VPS13B: variants seen among roughly 807,000 people sequenced by gnomAD.
VPS13B encodes intermembrane lipid transfer protein VPS13B.
A neutral mutation model predicts 426.4 loss-of-function variants in VPS13B; 285 were observed. That is an observed-to-expected ratio of 0.67 (90% confidence interval 0.61 to 0.74). The LOEUF (loss-of-function observed/expected upper bound fraction) is 0.74, where lower values mean the gene tolerates loss of function less well. VPS13B is among the 30% of genes least tolerant of loss of function. The pLI is 0.00. For missense variants in VPS13B, 4,537 were observed against 4,782.6 expected, an observed-to-expected ratio of 0.95 and a Z score of 1.51; for synonymous variants, 1,676 against 1,676.4, an observed-to-expected ratio of 1.00 and a Z score of 0.01.
intron 29 of VPS13B, among the ~76,000 whole-genome samples, chr8:99,514,951 G>C (rs1040281355): frequency 2.6e-5 from 4 of 152,226 alleles, no homozygotes; most frequent in African/African-American, 9.6e-5. Context: ...CAGTCAACAA[G>C]AAGAGCAAAG....
At chr8:99,156,493 G>A in intron 14 of VPS13B, 56 bp from the exon 15 acceptor site, 1 of 1,574,294 alleles carries the variant, frequency 6.4e-7, no homozygotes, top group Non-Finnish European at 8.7e-7. Flanking sequence ...AGAGGGAACT[G>A]CAACTCAGTC....
intron 61 of VPS13B, among the ~76,000 whole-genome samples, chr8:99,873,029 G>C (rs957091516): frequency 7.2e-5 from 11 of 152,198 alleles, no homozygotes; most frequent in Non-Finnish European, 1.0e-4. Context: ...TATTAGATCT[G>C]CCAGAATCTT....
intron 55 of VPS13B, among the ~76,000 whole-genome samples, chr8:99,852,890 T>G (rs912998641): frequency 6.6e-5 from 10 of 151,878 alleles, no homozygotes; most frequent in African/African-American, 2.4e-4. Context: ...GAAAGGGGTG[T>G]GAGTTGCTGG....
chr8:99,162,468 G>A (rs1340763661), intron 15 of VPS13B, among the ~76,000 whole-genome samples: 2 of 152,152 alleles, frequency 1.3e-5, no homozygotes, highest in African/African-American at 2.4e-5. Flanking sequence ...ATGAAGCCGC[G>A]GACCCTCGCG....
In VPS13B at chr8:99,358,002, TCACACACACA is replaced by T. The variant is rs34418547; in HGVS notation, c.2825-26182_2825-26173del. ...GATGGTTTATTTTGAGGATTAAATATCACACACACACACACACACACACACACACACACCA... is the reference window on the plus strand; with the variant it reads ...GATGGTTTATTTTGAGGATTAAATATCACACACACACACACACACACACCA... On this transcript the variant is annotated intron_variant, in intron 19 of 61. Coordinates refer to ENST00000357162, the MANE Select transcript of VPS13B (RefSeq NM_152564.5). Among the ~76,000 whole-genome samples the T allele has an allele frequency of 1.2e-4, 17 of 144,418 alleles. No individual in the cohort carries two copies. In the East Asian group the frequency reaches 1.4e-3, roughly 12 times the overall value. 94.7% of individuals were successfully genotyped at this position (144,418 alleles called of 152,430 possible).
At chr8:99,640,656 A>T (rs1829321815) in intron 33 of VPS13B, among the ~76,000 whole-genome samples, 1 of 152,218 alleles carries the variant, frequency 6.6e-6, no homozygotes, top group African/African-American at 2.4e-5. Flanking sequence ...ATATCCAGTT[A>T]TATGGGAATG....
At chr8:99,642,706 C>A (rs1317112044) in intron 34 of VPS13B, among the ~76,000 whole-genome samples, 1 of 152,190 alleles carries the variant, frequency 6.6e-6, no homozygotes, top group South Asian at 2.1e-4. Context: ...TACTATGCCT[C>A]TGAATATTCA....
chr8:99,700,736 G>A (rs1588636618), intron 36 of VPS13B, among the ~76,000 whole-genome samples: 1 of 152,206 alleles, frequency 6.6e-6, no homozygotes, highest in South Asian at 2.1e-4. Flanking sequence ...CATGGGAAGT[G>A]TGGGCAGAAG....
At chr8:99,574,228 C>A (rs995581816) in intron 31 of VPS13B, among the ~76,000 whole-genome samples, 1 of 152,166 alleles carries the variant, frequency 6.6e-6, no homozygotes, top group Non-Finnish European at 1.5e-5. Flanking sequence ...TCTAAATATA[C>A]AATCATGTCG....
chr8:99,350,792 T>C (rs535241864), intron 19 of VPS13B, among the ~76,000 whole-genome samples: 1 of 151,690 alleles, frequency 6.6e-6, no homozygotes, highest in Admixed American at 6.6e-5. Flanking sequence ...TATGTAATTA[T>C]AATATGTATA....
chr8:99,587,154 A>T (rs1356996863), intron 33 of VPS13B, among the ~76,000 whole-genome samples: 1 of 152,162 alleles, frequency 6.6e-6, no homozygotes, highest in Non-Finnish European at 1.5e-5. Context: ...ACATGAACTC[A>T]TCCTTTTTCA....
intron 34 of VPS13B, among the ~76,000 whole-genome samples, chr8:99,643,549 G>A (rs1460127460): frequency 6.6e-6 from 1 of 152,124 alleles, no homozygotes; most frequent in Non-Finnish European, 1.5e-5. Context: ...TAAGAAAGGG[G>A]TAACTAGCCA....
chr8:99,358,652 A>T (rs186997159), intron 19 of VPS13B, among the ~76,000 whole-genome samples: 1 of 152,278 alleles, frequency 6.6e-6, no homozygotes, highest in East Asian at 1.9e-4. Flanking sequence ...TTCAGTTGGT[A>T]TTCACTCTGA....
chr8:99,648,781 A>G (rs2133943020), intron 34 of VPS13B, among the ~76,000 whole-genome samples: 1 of 152,284 alleles, frequency 6.6e-6, no homozygotes, highest in South Asian at 2.1e-4. Context: ...AGAGGGGGAA[A>G]GTGGTCTTTT....
intron 17 of VPS13B, among the ~76,000 whole-genome samples, chr8:99,249,306 T>C (rs1817381419): frequency 6.6e-6 from 1 of 152,220 alleles, no homozygotes; most frequent in Non-Finnish European, 1.5e-5. Context: ...TTCCAGTTTT[T>C]GGCTATTACG....
intron 28 of VPS13B, among the ~76,000 whole-genome samples, chr8:99,508,518 G>A (rs540625610): frequency 2.6e-5 from 4 of 152,070 alleles, no homozygotes; most frequent in South Asian, 4.1e-4. Context: ...TATTTGCATA[G>A]CAAGTGTTAT....
chr8:99,034,003 G>T (rs904850135), intron 2 of VPS13B, among the ~76,000 whole-genome samples: 5 of 152,190 alleles, frequency 3.3e-5, no homozygotes, highest in Non-Finnish European at 5.9e-5. Context: ...CTCCTTCACA[G>T]ATAGTTTGTT....
intron 35 of VPS13B, chr8:99,697,595 A>ACC (rs1832085821): frequency 1.5e-6 from 1 of 658,176 alleles, no homozygotes; most frequent in African/African-American, 1.8e-5. Context: ...ACTCTCAAAG[A>ACC]CTGGTAGGTG....
intron 17 of VPS13B, 76 bp downstream of exon 17, chr8:99,193,133 A>G (rs941925993): frequency 7.0e-7 from 1 of 1,430,584 alleles, no homozygotes; most frequent in Non-Finnish European, 9.7e-7. Context: ...ATGAAAATCC[A>G]TATGTCTAGC....
Sources: gnomAD v4.1 joint callset for allele counts (sites outside exome capture counted in the v4.1 genomes callset) on GRCh38, gnomAD v4.1.1 for gene constraint, MANE v1.5 for transcripts, NCBI Gene and HGNC (gene_info 2026-07-23, HGNC 2026-07-21) for gene names.